The following ATAD3A variants were observed in gnomAD, a reference collection of about 807,000 sequenced individuals.
The protein encoded by ATAD3A is ATPase family AAA domain-containing protein 3A.
ATAD3A carries 46 observed loss-of-function variants against 73.8 expected under a neutral mutation model. The observed-to-expected ratio is 0.62, with a 90% CI of 0.49 to 0.80. The LOEUF is 0.80. Among genes scored for constraint, ATAD3A ranks in the 30% least tolerant of loss-of-function variants. The pLI is 0.00. For synonymous variants in ATAD3A, 319 were observed against 350.0 expected (o/e 0.91, Z 0.99); for missense variants, 705 against 838.0 (o/e 0.84, Z 1.96).
intron 4 of ATAD3A, among the ~76,000 whole-genome samples, chr1:1,518,606 C>A (rs1424416529): frequency 3.0e-5 from 4 of 131,906 alleles, no homozygotes; most frequent in Non-Finnish European, 4.7e-5. Flanking sequence ...CACACACCCA[C>A]ACACGGGCGT....
intron 1 of ATAD3A, among the ~76,000 whole-genome samples, chr1:1,513,469 C>G (rs1212645071): frequency 1.3e-5 from 2 of 151,188 alleles, no homozygotes; most frequent in Admixed American, 6.6e-5. Flanking sequence ...GGCCCCGGAG[C>G]TCCTGACCCG....
intron 13 of ATAD3A, 76 bp downstream of exon 13, chr1:1,526,607 T>C: frequency 1.9e-6 from 3 of 1,605,218 alleles, no homozygotes; most frequent in Admixed American, 1.7e-5. Flanking sequence ...CCGAGGGACC[T>C]GAGGGGCCCT....
At chr1:1,533,344 T>G (rs1642099647) in intron 15 of ATAD3A, among the ~76,000 whole-genome samples, 1 of 152,202 alleles carries the variant, frequency 6.6e-6, no homozygotes, top group African/African-American at 2.4e-5. Flanking sequence ...ACCCGTTCAT[T>G]GCAGAAGGGC....
chr1:1,530,930 T>A (rs1279977077), intron 15 of ATAD3A, among the ~76,000 whole-genome samples: 1 of 150,218 alleles, frequency 6.7e-6, no homozygotes, highest in Non-Finnish European at 1.5e-5. Flanking sequence ...AGTGAGAATA[T>A]CATACACCTG....
chr1:1,529,476 C>T (rs935011756), intron 15 of ATAD3A, 145 bp downstream of exon 15: 1 of 1,449,590 alleles, frequency 6.9e-7, no homozygotes, highest in Non-Finnish European at 9.1e-7. Flanking sequence ...ACAGGGCCCC[C>T]TGCCCCAGTC....
chr1:1,525,211 G>T (rs201199935), intron 11 of ATAD3A, 29 bp from the exon 12 acceptor site: 5 of 1,612,830 alleles, frequency 3.1e-6, no homozygotes, highest in Admixed American at 3.3e-5. Context: ...TGTCACTCTC[G>T]CCCTGCTTGG....
chr1:1,528,910 G>A (rs1213418602), intron 14 of ATAD3A, among the ~76,000 whole-genome samples: 2 of 152,236 alleles, frequency 1.3e-5, no homozygotes, highest in Non-Finnish European at 2.9e-5. Flanking sequence ...CCAGGCAGAC[G>A]CTTTTGCTAG....
intron 5 of ATAD3A, among the ~76,000 whole-genome samples, chr1:1,519,809 C>T (rs1271754929): frequency 6.6e-6 from 1 of 151,964 alleles, no homozygotes; most frequent in Non-Finnish European, 1.5e-5. Context: ...GTTGCCTAGG[C>T]CTCTGGGTCG....
chr1:1,521,769 G>A (rs750070314), intron 7 of ATAD3A, among the ~76,000 whole-genome samples: 5 of 152,176 alleles, frequency 3.3e-5, no homozygotes, highest in African/African-American at 9.7e-5. Context: ...GTGCCATCTC[G>A]GCTCACTGCA....
At chr1:1,526,701 G>A (rs999025635) in intron 13 of ATAD3A, among the ~76,000 whole-genome samples, 170 bp downstream of exon 13, 24 of 152,202 alleles carry the variant, frequency 1.6e-4, no homozygotes, top group Non-Finnish European at 2.6e-4. Flanking sequence ...GGGACAGCAC[G>A]GGGTGTCACT....
chr1:1,517,103 G>GGCTTCTGCTGGT, intron 2 of ATAD3A: 1 of 1,535,816 alleles, frequency 6.5e-7, no homozygotes. Flanking sequence ...GGCCTTCGCG[G>GGCTTCTGCTGGT]GCTTCTGCTG....
chr1:1,518,274 A>C, intron 4 of ATAD3A, among the ~76,000 whole-genome samples: 1 of 141,296 alleles, frequency 7.1e-6, no homozygotes. Flanking sequence ...CACACACCAC[A>C]CACAGGTACG....
At chr1:1,519,937 C>T (rs1641521542) in intron 5 of ATAD3A, among the ~76,000 whole-genome samples, 1 of 152,250 alleles carries the variant, frequency 6.6e-6, no homozygotes, top group South Asian at 2.1e-4. Flanking sequence ...GTGGGCCTGT[C>T]TGTGGCGTGG....
chr1:1,533,104 C>T (rs1397797696), intron 15 of ATAD3A, among the ~76,000 whole-genome samples: 3 of 152,186 alleles, frequency 2.0e-5, no homozygotes, highest in African/African-American at 7.2e-5. Flanking sequence ...TGCTGCTGCC[C>T]CTGCACCCCG....
chr1:1,531,478 T>C lies in ATAD3A; in HGVS notation c.1614+2147T>C, dbSNP rs931063304. Among the ~76,000 whole-genome samples the C allele has an allele frequency of 5.6e-5, 8 of 142,024 alleles. 1 individual carries two copies. The highest frequency in any genetic ancestry group is 2.2e-4 in the East Asian group (1 of 4,634). 93.2% of individuals were successfully genotyped at this position (142,024 alleles called of 152,430 possible). ...AAACGAAAACGAAAACTAAAAATAA[T>C]AATAACTGGGGCTGGACGGGCGCGG... On this transcript the variant is annotated intron_variant, in intron 15 of 15. Coordinates refer to ENST00000378756, the MANE Select transcript of ATAD3A (RefSeq NM_001170535.3).
intron 5 of ATAD3A, 111 bp downstream of exon 5, chr1:1,519,101 A>T: frequency 6.3e-7 from 1 of 1,589,646 alleles, no homozygotes; most frequent in East Asian, 2.2e-5. Context: ...CTACCAGTGC[A>T]GTGGGCGAGG....
Position 1,534,438 on chromosome 1 carries a change from T to G in ATAD3A, c.*366T>G, listed in dbSNP as rs1642157674. ...AGCAGGAGCCAGGCAGGTGATGTCT[T>G]TGTTCTCGGCTCCCACAGCAGAGCC... On this transcript the variant is annotated 3_prime_UTR_variant, in exon 16 of 16. Coordinates refer to ENST00000378756, the MANE Select transcript of ATAD3A (RefSeq NM_001170535.3). The G allele has an allele frequency of 8.0e-7, 1 of 1,246,944 alleles. No homozygotes were observed. The highest frequency in any genetic ancestry group is 1.5e-5 in the African/African-American group (1 of 65,568). 77.2% of individuals were successfully genotyped at this position (1,246,944 alleles called of 1,614,324 possible). A position where few individuals can be genotyped will look rare whatever the true frequency, so the allele number is the denominator to read the frequency against.
chr1:1,513,043 C>T (rs1008196957), intron 1 of ATAD3A, among the ~76,000 whole-genome samples: 1 of 152,250 alleles, frequency 6.6e-6, no homozygotes, highest in African/African-American at 2.4e-5. Flanking sequence ...AGGGTGTGAG[C>T]ACTCACCATG....
In ATAD3A at chr1:1,523,854, C is replaced by T. The variant is rs747533461; in HGVS notation, c.979C>T (p.Arg327Trp). ...GVVLSPSLEARVRDIAIATRN... is the reference protein window; with the variant it reads ...GVVLSPSLEAWVRDIAIATRN... The stretch of plus-strand genomic sequence containing the variant: ...TCCCCGGCAGCCCAGCCTGGAAGCA[C>T]GGGTGCGCGACATCGCCATAGCAAC... Residue 327 changes from arginine (R) to tryptophan (W), a missense_variant, in exon 10 of 16, where the codon CGG (arginine) becomes TGG (tryptophan). By Grantham distance (101) the Arg-to-Trp change is moderately radical. Around this residue, in one of 5 missense-constraint regions of ATAD3A, gnomAD observed 315 missense variants for 334.1 expected, o/e 0.94. Coordinates refer to ENST00000378756, the MANE Select transcript of ATAD3A (RefSeq NM_001170535.3). This position sits in a 1 kb window ranked among gnomAD's most constrained non-coding sequence, Gnocchi z 5.1. The T allele has an allele frequency of 1.6e-5, 26 of 1,613,856 alleles. No homozygotes were observed. Among genetic ancestry groups the T allele is most frequent in the Middle Eastern group, 1.6e-4 (1 of 6,084 alleles).
Sources: allele counts gnomAD v4.1 joint callset (sites outside exome capture counted in the v4.1 genomes callset), GRCh38; gene constraint gnomAD v4.1.1; regional missense constraint gnomAD v4.1.1; non-coding constraint Gnocchi (gnomAD v3.1); transcripts MANE v1.5; gene names NCBI Gene and HGNC (gene_info 2026-07-23, HGNC 2026-07-21).